The following CNBD1 variants were observed in gnomAD, a reference collection of about 807,000 sequenced individuals.
CNBD1 encodes cyclic nucleotide-binding domain-containing protein 1.
In CNBD1, 71 loss-of-function variants were observed where a neutral mutation model predicts 54.4. The ratio of observed to expected loss-of-function variants is 1.30; its 90% CI spans 1.08 to 1.59. The LOEUF (loss-of-function observed/expected upper bound fraction) is 1.59, where lower values mean the gene tolerates loss of function less well. Among genes scored for constraint, CNBD1 ranks in the 40% most tolerant of loss-of-function variants. CNBD1 has a pLI of 0.00. For missense variants in CNBD1, 659 were observed against 518.0 expected (o/e 1.27, Z -2.64); for synonymous variants, 182 against 170.7 (o/e 1.07, Z -0.51).
chr8:87,381,668 A>C (rs562737137), intron 10 of CNBD1, among the ~76,000 whole-genome samples: 3 of 152,058 alleles, frequency 2.0e-5, no homozygotes, highest in African/African-American at 7.2e-5. Context: ...ATGGAATGCT[A>C]TTCAGCCTTA....
chr8:87,054,184 T>A (rs1810368147), intron 4 of CNBD1, among the ~76,000 whole-genome samples: 1 of 152,216 alleles, frequency 6.6e-6, no homozygotes, highest in African/African-American at 2.4e-5. Flanking sequence ...AAAAATCCCA[T>A]CTGACTAGTT....
Position 86,939,624 on chromosome 8 carries a change from C to A in CNBD1, c.301C>A (p.Gln101Lys), listed in dbSNP as rs367898641. Reference protein sequence around the residue: ...RELNEGKEESQHQQPDDSNNI... With the variant: ...RELNEGKEESKHQQPDDSNNI... ...ACTCAATGAAGGCAAAGAGGAAAGT[C>A]AACATCAACAACCTGATGATTCTAA... The change falls in exon 4 of 11, where the codon CAA (glutamine) becomes AAA (lysine). Residue 101 changes from glutamine (Q) to lysine (K), a missense_variant. By Grantham distance (53) the Gln-to-Lys change is moderately conservative (BLOSUM62 1). Transcript: ENST00000518476. 6.9e-6 allele frequency: 11 copies of A among 1,594,508 alleles called. No individual in the cohort carries two copies. Among genetic ancestry groups the A allele is most frequent in the Non-Finnish European group, 9.4e-6 (11 of 1,172,796 alleles).
intron 4 of CNBD1, among the ~76,000 whole-genome samples, chr8:87,138,617 GA>G (rs1232560057): frequency 3.9e-5 from 6 of 152,142 alleles, no homozygotes; most frequent in African/African-American, 1.4e-4. Context: ...AACATTTAGT[GA>G]GACAAGGTGG....
chr8:87,147,741 A>G (rs1812520064), intron 4 of CNBD1, among the ~76,000 whole-genome samples: 1 of 152,128 alleles, frequency 6.6e-6, no homozygotes, highest in Admixed American at 6.5e-5. Flanking sequence ...AACTTCAAGA[A>G]TAATAAATTT....
intron 4 of CNBD1, among the ~76,000 whole-genome samples, chr8:87,071,795 G>T (rs1156776866): frequency 6.6e-6 from 1 of 152,164 alleles, no homozygotes; most frequent in Non-Finnish European, 1.5e-5. Context: ...TGTTGTTTTG[G>T]GGTGGAGAGT....
chr8:87,410,871 A>G (rs142479658), intron 2 of CNBD1, among the ~76,000 whole-genome samples: 10 of 152,260 alleles, frequency 6.6e-5, no homozygotes, highest in African/African-American at 2.4e-4. Context: ...CACATCAAGG[A>G]AAGACCCTCC....
chr8:86,913,321 C>A (rs1313793784), intron 3 of CNBD1, among the ~76,000 whole-genome samples: 1 of 152,108 alleles, frequency 6.6e-6, no homozygotes, highest in Non-Finnish European at 1.5e-5. Flanking sequence ...CATTGTTAAT[C>A]CTGTATTTTA....
chr8:87,421,737 G>T (rs1334893794), intron 2 of CNBD1, among the ~76,000 whole-genome samples: 1 of 148,722 alleles, frequency 6.7e-6, no homozygotes, highest in Non-Finnish European at 1.5e-5. Context: ...ATAAACATAC[G>T]TGTGCATGTG....
intron 4 of CNBD1, among the ~76,000 whole-genome samples, chr8:87,076,032 G>A (rs544922693): frequency 1.3e-5 from 2 of 152,286 alleles, no homozygotes; most frequent in South Asian, 2.1e-4. Flanking sequence ...CACTAGTGGT[G>A]TAAATCAGGA....
intron 2 of CNBD1, among the ~76,000 whole-genome samples, chr8:87,414,531 A>C (rs1292780182): frequency 6.6e-6 from 1 of 152,124 alleles, no homozygotes; most frequent in Non-Finnish European, 1.5e-5. Context: ...ATAATAAATA[A>C]AAAAAGAAAT....
At chr8:87,038,881 G>A (rs1340982220) in intron 4 of CNBD1, among the ~76,000 whole-genome samples, 1 of 152,080 alleles carries the variant, frequency 6.6e-6, no homozygotes, top group Non-Finnish European at 1.5e-5. Flanking sequence ...GTGGTTTCTA[G>A]GTCACTCCAC....
intron 1 of CNBD1, among the ~76,000 whole-genome samples, chr8:86,878,827 G>C (rs1808563606): frequency 6.6e-6 from 1 of 152,034 alleles, no homozygotes; most frequent in Non-Finnish European, 1.5e-5. Flanking sequence ...TTCACTATTT[G>C]GTTGATATTA....
intron 10 of CNBD1, among the ~76,000 whole-genome samples, chr8:87,366,467 A>G (rs1274735601): frequency 4.6e-5 from 7 of 152,024 alleles, no homozygotes; most frequent in Admixed American, 3.9e-4. Context: ...CTCGTTTTGA[A>G]TCTTTCTCTT....
At chr8:87,107,159 T>G (rs1434832243) in intron 4 of CNBD1, among the ~76,000 whole-genome samples, 1 of 152,162 alleles carries the variant, frequency 6.6e-6, no homozygotes, top group Non-Finnish European at 1.5e-5. Context: ...TTTTCACTGA[T>G]GTCTTAAAAG....
At chr8:86,876,456 C>T (rs948173503) in intron 1 of CNBD1, among the ~76,000 whole-genome samples, 30 of 151,642 alleles carry the variant, frequency 2.0e-4, no homozygotes, top group African/African-American at 7.0e-4. Context: ...AGTACTTAAG[C>T]TATTCTTTTT....
At chr8:87,062,127 C>A (rs2130640749) in intron 4 of CNBD1, among the ~76,000 whole-genome samples, 1 of 152,282 alleles carries the variant, frequency 6.6e-6, no homozygotes, top group East Asian at 1.9e-4. Context: ...AAATTATTAG[C>A]CAACTACTGA....
intron 6 of CNBD1, among the ~76,000 whole-genome samples, chr8:87,278,425 T>C (rs1184075748): frequency 6.6e-6 from 1 of 151,368 alleles, no homozygotes; most frequent in African/African-American, 2.4e-5. Context: ...AAAGTCAAAG[T>C]AGACAAAAAA....
At chr8:86,965,529 T>C (rs114328091) in intron 4 of CNBD1, among the ~76,000 whole-genome samples, 1 of 152,124 alleles carries the variant, frequency 6.6e-6, no homozygotes, top group Non-Finnish European at 1.5e-5. Flanking sequence ...TTTAACTGGC[T>C]AAGAGTCCAG....
At chr8:87,145,404 T>C (rs1157216546) in intron 4 of CNBD1, among the ~76,000 whole-genome samples, 7 of 152,144 alleles carry the variant, frequency 4.6e-5, no homozygotes, top group South Asian at 2.1e-4. Flanking sequence ...ATTTAACACA[T>C]GTTAACCAAA....
Sources: allele counts gnomAD v4.1 joint callset (sites outside exome capture counted in the v4.1 genomes callset), GRCh38; gene constraint gnomAD v4.1.1; transcripts MANE v1.5; gene names NCBI Gene and HGNC (gene_info 2026-07-23, HGNC 2026-07-21).